CYFIP1: variants seen among roughly 807,000 people sequenced by gnomAD.
CYFIP1 encodes the protein cytoplasmic FMR1 interacting protein 1.
In CYFIP1, 58 loss-of-function variants were observed where a neutral mutation model predicts 163.5. The observed-to-expected ratio is 0.35, with a 90% CI of 0.29 to 0.44. CYFIP1 has a LOEUF of 0.44. Among genes scored for constraint, CYFIP1 ranks in the 20% least tolerant of loss-of-function variants. The probability of loss-of-function intolerance (pLI) is 1.00; values close to 1 mark genes in which losing one functional copy is unlikely to be tolerated. For synonymous variants in CYFIP1, 663 were observed against 660.7 expected, an observed-to-expected ratio of 1.00 and a Z score of -0.05; for missense variants, 1,338 against 1,653.8, an observed-to-expected ratio of 0.81 and a Z score of 3.31.
chr15:22,967,079 T>G (rs758479662), intron 1 of CYFIP1, among the ~76,000 whole-genome samples: 2 of 152,006 alleles, frequency 1.3e-5, no homozygotes, highest in Non-Finnish European at 2.9e-5. Flanking sequence ...TAAGCATAAT[T>G]TATTTAAACT....
At chr15:22,922,792 G>A (rs1335552086) in intron 13 of CYFIP1, among the ~76,000 whole-genome samples, 1 of 152,162 alleles carries the variant, frequency 6.6e-6, no homozygotes, top group African/African-American at 2.4e-5. Context: ...AGGGGTTCAG[G>A]ACCAGCCTGG....
chr15:22,944,498 G>T, intron 5 of CYFIP1, 60 bp downstream of exon 5: 1 of 1,115,260 alleles, frequency 9.0e-7, no homozygotes, highest in Non-Finnish European at 1.3e-6. Flanking sequence ...TGATGGGTAG[G>T]AAGGGGTCAG....
intron 26 of CYFIP1, among the ~76,000 whole-genome samples, chr15:22,878,435 C>T (rs930342983): frequency 5.3e-5 from 8 of 152,056 alleles, no homozygotes; most frequent in Non-Finnish European, 1.0e-4. Flanking sequence ...TGGTCAGCAA[C>T]GGGAGGAGGA....
chr15:22,904,806 G>A (rs1166594439), intron 21 of CYFIP1: 1 of 152,158 alleles, frequency 6.6e-6, no homozygotes, highest in Non-Finnish European at 1.5e-5. Context: ...CTGTCTCTGA[G>A]TCCCAGCCTG....
intron 14 of CYFIP1, 56 bp downstream of exon 14, chr15:22,918,636 C>T: frequency 2.1e-6 from 3 of 1,447,546 alleles, no homozygotes; most frequent in Non-Finnish European, 2.8e-6. Context: ...TGTTTGAATC[C>T]AAGTTCATCC....
intron 3 of CYFIP1, chr15:22,946,738 G>A: frequency 1.6e-6 from 1 of 634,080 alleles, no homozygotes; most frequent in Admixed American, 2.1e-5. Context: ...ATCTGGAGAG[G>A]GAATGAGCAT....
Position 22,882,898 on chromosome 15 carries a change from C to T in CYFIP1, c.2790G>A (p.Met930Ile). ...LLGYQGIAVV[M>I]EELLKVVKSL... ...TCTTGACGACCTTCAGCAGCTCCTCCATGACCACGGCGATACCCTGGTAGC... is the reference window on the plus strand; with the variant it reads ...TCTTGACGACCTTCAGCAGCTCCTCTATGACCACGGCGATACCCTGGTAGC... The change falls in exon 24 of 31, where the codon ATG becomes ATA. Residue 930 changes from methionine to isoleucine, a missense_variant. Transcript: ENST00000617928. The T allele has an allele frequency of 6.2e-7, 1 of 1,613,868 alleles. No homozygotes were observed. Among genetic ancestry groups the T allele is most frequent in the Non-Finnish European group, 8.5e-7 (1 of 1,179,836 alleles).
chr15:22,916,575 T>A lies in CYFIP1; in HGVS notation c.1730A>T (p.Lys577Met). The A allele has an allele frequency of 3.1e-6, 5 of 1,614,174 alleles. No individual in the cohort carries two copies. The highest frequency in any genetic ancestry group is 4.2e-6 in the Non-Finnish European group (5 of 1,180,030). ...CTCAAGGCTACTTCTCAAGGTTTTC[T>A]TGGAACCACTTTTGTCTGCAATGAG... ...ESLIADKSGS[K>M]KTLRSSLEGP... Residue 577 changes from lysine to methionine, a missense_variant, in exon 16 of 31, where the codon AAG becomes ATG. Around this residue, in one of 4 missense-constraint regions of CYFIP1, gnomAD observed 824 missense variants for 995.7 expected, o/e 0.83. Coordinates refer to ENST00000617928, the MANE Select transcript of CYFIP1 (RefSeq NM_014608.6).
Position 22,978,740 on chromosome 15 carries a change from C to T in CYFIP1, c.-7+1547G>A, listed in dbSNP as rs1234269482. Among the ~76,000 whole-genome samples, 5 of 152,244 alleles carry T rather than the reference C, an allele frequency of 3.3e-5. No homozygotes were observed. The South Asian group carries it at 1.0e-3, about 32-fold the overall frequency. On this transcript the variant is annotated intron_variant, in intron 1 of 30. Coordinates refer to ENST00000617928, the MANE Select transcript of CYFIP1 (RefSeq NM_014608.6). ...CACTTTTCAGACCCTTGTATCTTTA[C>T]TCTTCAGGGACAAACCAGAGCATAG...
rs371607573 is a variant in CYFIP1, at chr15:22,870,165, G to T, written c.3625C>A (p.Arg1209Ser). 3 of 1,609,898 alleles carry T rather than the reference G, an allele frequency of 1.9e-6. No individual in the cohort carries two copies. The highest frequency in any genetic ancestry group is 1.3e-5 in the African/African-American group (1 of 74,574). The change falls in exon 31 of 31, where the codon CGC becomes AGC. Residue 1209 changes from arginine to serine, a missense_variant. Coordinates refer to ENST00000617928, the MANE Select transcript of CYFIP1 (RefSeq NM_014608.6). ...TCATCATTGAGAATCTGGAACTTGC[G>T]AATTCTCTCCACCATCTTCTTCAAA... The part of the protein sequence containing the change: ...VPLKKMVERI[R>S]KFQILNDEII...
At chr15:22,975,249 T>C (rs1194297205) in intron 1 of CYFIP1, among the ~76,000 whole-genome samples, 1 of 152,032 alleles carries the variant, frequency 6.6e-6, no homozygotes, top group Non-Finnish European at 1.5e-5. Context: ...TTTTAACTTT[T>C]GAGAAGTCAA....
At chr15:22,874,096 T>C (rs12438474) in intron 28 of CYFIP1, among the ~76,000 whole-genome samples, 98,452 of 152,046 alleles carry the variant, frequency 0.65, 32,134 homozygotes, top group East Asian at 0.91. Context: ...AGGCCAGGGA[T>C]GCTGCTAACC....
rs1455119881 is a variant in CYFIP1 at position 22,867,579 on chromosome 15, C to A, written c.*2449G>T. ...CCCATGATGCCTGGAACCTTGATTA[C>A]CGTTTTACATCAGCTCTTGTACTTT... On this transcript the variant is annotated 3_prime_UTR_variant, in exon 31 of 31. Transcript: ENST00000617928. 567 of 190,972 alleles carry A rather than the reference C, an allele frequency of 3.0e-3. 3 individuals are homozygous for A. The highest frequency in any genetic ancestry group is 0.012 in the African/African-American group (538 of 43,206). 11.8% of individuals were successfully genotyped at this position (190,972 alleles called of 1,614,324 possible).
rs1414746232 is a variant in CYFIP1, at chr15:22,874,543, A to C, written c.3210+7T>G. The stretch of plus-strand genomic sequence containing the variant: ...GCAACAGCCACAGCCATCACGGTAC[A>C]CGTTACCTGAGGGGTCCCCAGTCTT... On this transcript the variant is annotated splice_region_variant and intron_variant, in intron 28 of 30. Coordinates refer to ENST00000617928, the MANE Select transcript of CYFIP1 (RefSeq NM_014608.6). The C allele has an allele frequency of 6.3e-7, 1 of 1,591,272 alleles. No homozygotes were observed. Among genetic ancestry groups the C allele is most frequent in the African/African-American group, 1.4e-5 (1 of 73,630 alleles).
At chr15:22,916,284 T>C (rs910334972) in intron 16 of CYFIP1, among the ~76,000 whole-genome samples, 193 bp downstream of exon 16, 19 of 152,276 alleles carry the variant, frequency 1.2e-4, no homozygotes, top group Middle Eastern at 3.4e-3. Flanking sequence ...GTTTATACCC[T>C]TGTAGGGACC....
intron 1 of CYFIP1, among the ~76,000 whole-genome samples, chr15:22,966,120 G>A (rs955587869): frequency 2.0e-5 from 3 of 151,746 alleles, no homozygotes; most frequent in Non-Finnish European, 4.4e-5. Context: ...AGGCCGAGGC[G>A]GGTGGATCAC....
chr15:22,941,433 T>C (rs2061889847), intron 6 of CYFIP1, among the ~76,000 whole-genome samples: 1 of 152,138 alleles, frequency 6.6e-6, no homozygotes, highest in Non-Finnish European at 1.5e-5. Flanking sequence ...TCAAGGATAC[T>C]GTTTTCTATT....
At chr15:22,910,474 T>C in intron 20 of CYFIP1, 46 bp downstream of exon 20, 1 of 1,534,622 alleles carries the variant, frequency 6.5e-7, no homozygotes, top group Non-Finnish European at 9.0e-7. Context: ...ACCCAGTCTT[T>C]TCAATGCACA....
chr15:22,910,367 G>A (rs2060743639), intron 20 of CYFIP1, among the ~76,000 whole-genome samples, 153 bp downstream of exon 20: 1 of 152,084 alleles, frequency 6.6e-6, no homozygotes, highest in Non-Finnish European at 1.5e-5. Context: ...TTGCTATGTT[G>A]GCCAGGCTGG....
Sources: gnomAD v4.1 joint callset for allele counts (sites outside exome capture counted in the v4.1 genomes callset) on GRCh38, gnomAD v4.1.1 for gene constraint, gnomAD v4.1.1 regional missense constraint, MANE v1.5 for transcripts, NCBI Gene and HGNC (gene_info 2026-07-23, HGNC 2026-07-21) for gene names.